The following WDPCP variants were observed in gnomAD, a reference collection of about 807,000 sequenced individuals.
WDPCP encodes the protein WD repeat-containing and planar cell polarity effector protein fritz homolog.
WDPCP carries 71 observed loss-of-function variants against 93.1 expected under a neutral mutation model. The ratio of observed to expected loss-of-function variants is 0.76; its 90% CI spans 0.63 to 0.93. WDPCP has a LOEUF of 0.93. Ranked by LOEUF, WDPCP falls within the 40% of genes least tolerant of loss-of-function variation. The probability of loss-of-function intolerance (pLI) is 0.00; values close to 1 mark genes in which losing one functional copy is unlikely to be tolerated. For missense variants in WDPCP, 844 were observed against 887.4 expected (o/e 0.95, Z 0.62); for synonymous variants, 315 against 315.0 (o/e 1.00, Z 0.00).
chr2:63,524,871 C>G lies in WDPCP; in HGVS notation c.76-31931G>C, dbSNP rs570447854. 1.1e-4 allele frequency among the ~76,000 whole-genome samples: 16 copies of G among 152,180 alleles called. No individual in the cohort carries two copies. In the South Asian group the frequency reaches 3.3e-3, roughly 32 times the overall value. The stretch of plus-strand genomic sequence containing the variant: ...AAGAACTTAAAACAGAATTACCATT[C>G]AACCTAGCAATCACACAATTTGGTA... On this transcript the variant is annotated intron_variant, in intron 1 of 17. Coordinates refer to ENST00000272321, the MANE Select transcript of WDPCP (RefSeq NM_015910.7).
At chr2:63,329,963 G>C (rs1258693574) in intron 12 of WDPCP, among the ~76,000 whole-genome samples, 1 of 152,048 alleles carries the variant, frequency 6.6e-6, no homozygotes, top group Non-Finnish European at 1.5e-5. Flanking sequence ...ATATAGATAT[G>C]TATCTCATTT....
chr2:63,559,065 A>G (rs1184691093), intron 1 of WDPCP, among the ~76,000 whole-genome samples: 1 of 152,196 alleles, frequency 6.6e-6, no homozygotes, highest in Non-Finnish European at 1.5e-5. Flanking sequence ...CCAGCAGCAC[A>G]TCAAAAAGCC....
At chr2:63,590,027 A>C (rs990687031), upstream of WDPCP, 2 of 154,170 alleles carry the variant, frequency 1.3e-5, no homozygotes, top group Non-Finnish European at 2.9e-5. Context: ...TTTCAAGGCA[A>C]GGGCATTACT....
At chr2:63,779,562 G>T (rs1420883117) in intron 2 of WDPCP, among the ~76,000 whole-genome samples, 1 of 152,164 alleles carries the variant, frequency 6.6e-6, no homozygotes, top group Non-Finnish European at 1.5e-5. Flanking sequence ...GTTGAGCAAG[G>T]CTGTTCAACC....
chr2:63,535,473 A>G (rs188311277), intron 1 of WDPCP, among the ~76,000 whole-genome samples: 8 of 152,366 alleles, frequency 5.3e-5, no homozygotes, highest in Non-Finnish European at 8.8e-5. Context: ...CTACAAGGCT[A>G]CGGTAACCAA....
chr2:63,207,558 T>C (rs1350511543), intron 14 of WDPCP, among the ~76,000 whole-genome samples: 1 of 152,208 alleles, frequency 6.6e-6, no homozygotes, highest in African/African-American at 2.4e-5. Context: ...CTCACCTTTT[T>C]CTTGAGTATC....
intron 14 of WDPCP, among the ~76,000 whole-genome samples, chr2:63,202,470 G>A (rs967424792): frequency 6.6e-6 from 1 of 152,074 alleles, no homozygotes; most frequent in African/African-American, 2.4e-5. Context: ...AGATCTAAAA[G>A]ATCTACCTCA....
At chr2:63,565,674 C>A (rs1387025863) in intron 1 of WDPCP, among the ~76,000 whole-genome samples, 1 of 152,106 alleles carries the variant, frequency 6.6e-6, no homozygotes, top group African/African-American at 2.4e-5. Flanking sequence ...CATATATAAC[C>A]TGGAATCCCA....
intron 2 of WDPCP, among the ~76,000 whole-genome samples, chr2:63,770,831 G>A (rs1670213791): frequency 1.3e-5 from 2 of 151,856 alleles, no homozygotes; most frequent in African/African-American, 4.8e-5. Context: ...GACTCCAACT[G>A]TCTTCGATTA....
At chr2:63,220,856 C>T (rs900157611) in intron 14 of WDPCP, among the ~76,000 whole-genome samples, 3 of 152,098 alleles carry the variant, frequency 2.0e-5, no homozygotes, top group Non-Finnish European at 4.4e-5. Flanking sequence ...TGCTCTCCCT[C>T]CCCCTGCCCA....
intron 2 of WDPCP, among the ~76,000 whole-genome samples, chr2:63,690,131 A>G (rs1668869318): frequency 6.6e-6 from 1 of 152,230 alleles, no homozygotes; most frequent in South Asian, 2.1e-4. Flanking sequence ...TCATGAGGTG[A>G]ACCATCTGTC....
chr2:63,671,224 G>T (rs573623146), intron 2 of WDPCP, among the ~76,000 whole-genome samples: 1 of 152,268 alleles, frequency 6.6e-6, no homozygotes, highest in African/African-American at 2.4e-5. Flanking sequence ...TAAGGGTCCA[G>T]CTCCTGACTC....
At chr2:63,424,075 G>A (rs919294121) in intron 9 of WDPCP, among the ~76,000 whole-genome samples, 1 of 152,128 alleles carries the variant, frequency 6.6e-6, no homozygotes, top group African/African-American at 2.4e-5. Flanking sequence ...TCCTAAGGAA[G>A]GGGTGAGTGA....
intron 6 of WDPCP, among the ~76,000 whole-genome samples, chr2:63,468,291 T>TTAA (rs1699482079): frequency 6.6e-6 from 1 of 152,226 alleles, no homozygotes. Flanking sequence ...CTCACATGGC[T>TTAA]AGTACTATCT....
intron 15 of WDPCP, among the ~76,000 whole-genome samples, chr2:63,155,390 TC>T (rs1672169011): frequency 1.3e-5 from 2 of 152,224 alleles, no homozygotes; most frequent in African/African-American, 4.8e-5. Context: ...TGAAAAACTA[TC>T]CTTTCTCCAT....
At chr2:63,595,530 G>A (rs1709293776) in intron 3 of WDPCP, 2 of 1,515,286 alleles carry the variant, frequency 1.3e-6, no homozygotes, top group African/African-American at 1.4e-5. Context: ...GTGGGTTGGG[G>A]AGTAGAGAAG....
upstream of WDPCP, among the ~76,000 whole-genome samples, chr2:63,828,130 G>T (rs1253280831): frequency 2.0e-5 from 3 of 151,168 alleles, no homozygotes; most frequent in Non-Finnish European, 4.4e-5. Context: ...ATGTTTTTTA[G>T]ATCTCTTCTT....
rs1203885351 is a variant in WDPCP at position 63,383,899 on chromosome 2, C to T, written c.1436-1805G>A. On this transcript the variant is annotated intron_variant, in intron 10 of 17. Coordinates refer to ENST00000272321, the MANE Select transcript of WDPCP (RefSeq NM_015910.7). ...GTAAAATACATTCTTTTTAAGTGCA[C>T]ACATAACACAGACCAAGATAGAGCA... 2.0e-5 allele frequency among the ~76,000 whole-genome samples: 3 copies of T among 152,088 alleles called. No homozygotes were observed. In the East Asian group the frequency reaches 5.8e-4, roughly 29 times the overall value.
At chr2:63,135,306 G>A (rs991368768) in intron 17 of WDPCP, among the ~76,000 whole-genome samples, 1 of 152,168 alleles carries the variant, frequency 6.6e-6, no homozygotes. Flanking sequence ...TTTTCACAAA[G>A]GCTAATATAA....
Sources: allele counts gnomAD v4.1 joint callset (sites outside exome capture counted in the v4.1 genomes callset), GRCh38; gene constraint gnomAD v4.1.1; transcripts MANE v1.5; gene names NCBI Gene and HGNC (gene_info 2026-07-23, HGNC 2026-07-21).